The following MED13L variants were observed in gnomAD, a reference collection of about 807,000 sequenced individuals.
MED13L encodes mediator of RNA polymerase II transcription subunit 13-like.
Under a neutral mutation model 220.9 loss-of-function variants are expected in MED13L, and 7 were observed. The ratio of observed to expected loss-of-function variants is 0.03; its 90% confidence interval spans 0.02 to 0.06. The LOEUF (loss-of-function observed/expected upper bound fraction) is 0.06. MED13L is among the 10% of genes least tolerant of loss of function. MED13L has a pLI of 1.00. For missense variants in MED13L, 1,965 were observed against 2,760.5 expected (o/e 0.71, Z 6.46); for synonymous variants, 1,011 against 1,015.2 (o/e 1.00, Z 0.08).
In MED13L at chr12:116,263,915, T is replaced by C. The variant is rs560551625; in HGVS notation, c.72+13145A>G. ...TAAACCCACCTCCACTGAAGCTGTA[T>C]GAAAACAAAGTACACTGAATCGCTA... On this transcript the variant is annotated intron_variant, in intron 1 of 30. Coordinates refer to ENST00000281928, the MANE Select transcript of MED13L (RefSeq NM_015335.5). 2.0e-5 allele frequency among the ~76,000 whole-genome samples: 3 copies of C among 152,266 alleles called. No individual in the cohort carries two copies. In the South Asian group the frequency reaches 6.2e-4, roughly 32 times the overall value.
At chr12:116,136,014 T>TGCCTCA (rs1288706608) in intron 2 of MED13L, among the ~76,000 whole-genome samples, 1 of 151,894 alleles carries the variant, frequency 6.6e-6, no homozygotes, top group African/African-American at 2.4e-5. Context: ...AACAATTCTC[T>TGCCTCA]GCCTCAGCCT....
At chr12:116,084,960 T>C (rs1431683777) in intron 4 of MED13L, among the ~76,000 whole-genome samples, 2 of 152,156 alleles carry the variant, frequency 1.3e-5, no homozygotes, top group Non-Finnish European at 2.9e-5. Context: ...GACATACTTT[T>C]AGCCAACTGT....
At chr12:116,132,279 CA>C (rs1005783459) in intron 2 of MED13L, among the ~76,000 whole-genome samples, 24,105 of 77,484 alleles carry the variant, frequency 0.31, 1,572 homozygotes, top group Middle Eastern at 0.37. Flanking sequence ...TACTTCGTCT[CA>C]AAAAAAAAAA....
chr12:116,027,438 A>G (rs1205140277), intron 4 of MED13L, among the ~76,000 whole-genome samples: 3 of 152,070 alleles, frequency 2.0e-5, no homozygotes, highest in Non-Finnish European at 4.4e-5. Flanking sequence ...CAAACAAACA[A>G]ACAAACAATC....
At chr12:116,105,152 C>T (rs913279817) in intron 3 of MED13L, among the ~76,000 whole-genome samples, 2 of 152,084 alleles carry the variant, frequency 1.3e-5, no homozygotes, top group Admixed American at 6.5e-5. Flanking sequence ...TTTTTCCCAT[C>T]GTCTATTGAT....
intron 4 of MED13L, among the ~76,000 whole-genome samples, chr12:116,046,136 G>A (rs986368357): frequency 6.6e-6 from 1 of 152,060 alleles, no homozygotes; most frequent in African/African-American, 2.4e-5. Flanking sequence ...ATGGTAGGCT[G>A]GTTTATAGTC....
At chr12:116,257,296 C>G (rs1309058319) in intron 1 of MED13L, among the ~76,000 whole-genome samples, 2 of 152,154 alleles carry the variant, frequency 1.3e-5, no homozygotes, top group East Asian at 3.8e-4. Context: ...GGCTCCTTCC[C>G]CCATAGTAAC....
intron 7 of MED13L, among the ~76,000 whole-genome samples, chr12:116,015,534 A>AT (rs565730178): frequency 7.1e-4 from 108 of 152,292 alleles, no homozygotes; most frequent in African/African-American, 2.4e-3. Context: ...TCACACAACC[A>AT]TAAGGGCACA....
intron 23 of MED13L, among the ~76,000 whole-genome samples, chr12:115,979,425 G>A (rs968766967): frequency 6.6e-6 from 1 of 152,294 alleles, no homozygotes; most frequent in East Asian, 1.9e-4. Context: ...GAAAACAGAT[G>A]AATTGCTCAT....
intron 2 of MED13L, among the ~76,000 whole-genome samples, chr12:116,144,249 C>A (rs374186611): frequency 1.3e-5 from 2 of 152,196 alleles, no homozygotes; most frequent in Non-Finnish European, 2.9e-5. Flanking sequence ...TCAGCCATCA[C>A]CGATAAAGTC....
chr12:116,174,738 T>C (rs1276873945), intron 2 of MED13L: 2 of 152,180 alleles, frequency 1.3e-5, no homozygotes, highest in Non-Finnish European at 2.9e-5. Flanking sequence ...CAGTCTATCA[T>C]GTAAGATAAA....
intron 2 of MED13L, among the ~76,000 whole-genome samples, chr12:116,143,318 A>C (rs1484263524): frequency 2.0e-5 from 3 of 151,410 alleles, no homozygotes; most frequent in Non-Finnish European, 4.4e-5. Flanking sequence ...GGGACACAGC[A>C]ACACCTTGTC....
chr12:116,007,689 TA>T, intron 10 of MED13L, 53 bp from the exon 11 acceptor site: 4 of 1,495,342 alleles, frequency 2.7e-6, no homozygotes, highest in Non-Finnish European at 3.7e-6. Context: ...TTAAAGCATT[TA>T]CAAAGTTTAA....
chr12:116,179,204 CGTGTGTGTGTGT>C lies in MED13L; in HGVS notation c.310+58252_310+58263del, dbSNP rs60501771. ...AAATAATTTAAAATTTGACGATTTA[CGTGTGTGTGTGT>C]GTGTGTGTGTGTGTGTGTGTACACA... On this transcript the variant is annotated intron_variant, in intron 2 of 30. Coordinates refer to ENST00000281928, the MANE Select transcript of MED13L (RefSeq NM_015335.5). Among the ~76,000 whole-genome samples the C allele has an allele frequency of 1.2e-4, 18 of 148,190 alleles. No individual in the cohort carries two copies. In the East Asian group the frequency reaches 2.6e-3, roughly 21 times the overall value.
chr12:116,174,759 A>T (rs935478059), intron 2 of MED13L: 2 of 152,244 alleles, frequency 1.3e-5, no homozygotes, highest in African/African-American at 4.8e-5. Flanking sequence ...ATACATGTGT[A>T]AACTTGCATG....
At chr12:116,204,320 G>A (rs1166828577) in intron 2 of MED13L, among the ~76,000 whole-genome samples, 1 of 152,210 alleles carries the variant, frequency 6.6e-6, no homozygotes, top group Admixed American at 6.5e-5. Flanking sequence ...TCAGGAGTCA[G>A]GAGCTGCCAG....
At chr12:115,988,570 C>CAAG (rs1403887813) in intron 17 of MED13L, among the ~76,000 whole-genome samples, 1 of 152,118 alleles carries the variant, frequency 6.6e-6, no homozygotes, top group Non-Finnish European at 1.5e-5. Context: ...AATCACAGAC[C>CAAG]AAGAGAACCA....
chr12:116,073,614 G>T (rs567974038), intron 4 of MED13L, among the ~76,000 whole-genome samples: 1 of 152,140 alleles, frequency 6.6e-6, no homozygotes, highest in East Asian at 1.9e-4. Context: ...GAAAAGGAGA[G>T]AACAGATAAA....
At chr12:116,106,801 G>A (rs902000492) in intron 3 of MED13L, among the ~76,000 whole-genome samples, 10 of 150,226 alleles carry the variant, frequency 6.7e-5, no homozygotes, top group East Asian at 5.8e-4. Context: ...AGCCAAGATC[G>A]CGCCACTGCA....
Sources: gnomAD v4.1 joint callset for allele counts (sites outside exome capture counted in the v4.1 genomes callset) on GRCh38, gnomAD v4.1.1 for gene constraint, MANE v1.5 for transcripts, NCBI Gene and HGNC (gene_info 2026-07-23, HGNC 2026-07-21) for gene names.